Variants in DGKI observed in about 807,000 individuals in gnomAD.
The protein encoded by DGKI is diacylglycerol kinase iota.
DGKI carries 55 observed loss-of-function variants against 147.5 expected under a neutral mutation model. The observed-to-expected ratio is 0.37, with a 90% CI of 0.30 to 0.47. The LOEUF (loss-of-function observed/expected upper bound fraction) is 0.47. Among genes scored for constraint, DGKI ranks in the 20% least tolerant of loss-of-function variants. DGKI has a pLI of 1.00. For missense variants in DGKI, 1,007 were observed against 1,323.8 expected (o/e 0.76, Z 3.71); for synonymous variants, 469 against 477.1 (o/e 0.98, Z 0.22).
At position 137,382,720 on chromosome 7, in the gene DGKI, A is replaced by G. The variant is rs558080345; in HGVS notation, c.*8500T>C. 4 of 152,042 alleles carry G rather than the reference A, an allele frequency of 2.6e-5. No homozygotes were observed. The East Asian group carries it at 7.7e-4, about 29-fold the overall frequency. 9.4% of individuals were successfully genotyped at this position (152,042 alleles called of 1,614,324 possible). ...GAGAATCTTTTTTCCTTTCCTCACAACTCTGCCCCTCTTTTATGCCCCCAA... is the reference window on the plus strand; with the variant it reads ...GAGAATCTTTTTTCCTTTCCTCACAGCTCTGCCCCTCTTTTATGCCCCCAA... On this transcript the variant is annotated 3_prime_UTR_variant, in exon 33 of 33. Transcript: ENST00000614521.
intron 1 of DGKI, among the ~76,000 whole-genome samples, chr7:137,789,725 G>A (rs1016920460): frequency 6.6e-6 from 1 of 152,162 alleles, no homozygotes; most frequent in Non-Finnish European, 1.5e-5. Context: ...GAACGGAGAA[G>A]CGCAATTCTG....
chr7:137,448,323 A>G (rs1813794138), intron 27 of DGKI, among the ~76,000 whole-genome samples: 1 of 147,828 alleles, frequency 6.8e-6, no homozygotes, highest in South Asian at 2.1e-4. Flanking sequence ...AAAAAAACTC[A>G]CCCAATGCAA....
At chr7:137,403,344 C>T (rs1445192317) in intron 30 of DGKI, among the ~76,000 whole-genome samples, 1 of 152,170 alleles carries the variant, frequency 6.6e-6, no homozygotes, top group Non-Finnish European at 1.5e-5. Flanking sequence ...CCTCCCATGG[C>T]GCTTTCAGAA....
chr7:137,736,342 G>C (rs1460718736), intron 1 of DGKI, among the ~76,000 whole-genome samples: 1 of 152,098 alleles, frequency 6.6e-6, no homozygotes, highest in Admixed American at 6.6e-5. Context: ...TAAGGCTAAT[G>C]TAGGGGTTCT....
At chr7:137,462,508 A>T (rs141666524) in intron 27 of DGKI, among the ~76,000 whole-genome samples, 3 of 152,322 alleles carry the variant, frequency 2.0e-5, no homozygotes, top group African/African-American at 7.2e-5. Flanking sequence ...AACTTTGCCA[A>T]TGAAATAATT....
intron 1 of DGKI, among the ~76,000 whole-genome samples, chr7:137,746,904 C>G (rs1184731083): frequency 6.6e-6 from 1 of 152,056 alleles, no homozygotes; most frequent in Non-Finnish European, 1.5e-5. Flanking sequence ...GAAGTCCTCT[C>G]AAAACATCAG....
At chr7:137,650,206 C>A (rs977844153) in intron 5 of DGKI, among the ~76,000 whole-genome samples, 2 of 152,108 alleles carry the variant, frequency 1.3e-5, no homozygotes, top group African/African-American at 2.4e-5. Context: ...GAAATGAATA[C>A]CTTTGTAAAT....
chr7:137,799,889 G>T (rs565490554), intron 1 of DGKI, among the ~76,000 whole-genome samples: 119 of 152,278 alleles, frequency 7.8e-4, no homozygotes, highest in African/African-American at 2.5e-3. Context: ...TGAAGCTTTT[G>T]AAATCTTCTT....
chr7:137,571,072 T>C, intron 19 of DGKI, 103 bp downstream of exon 19: 1 of 783,060 alleles, frequency 1.3e-6, no homozygotes, highest in South Asian at 2.3e-5. Context: ...ATAAAATGTG[T>C]AACTTGATAA....
At chr7:137,414,598 T>C (rs1233034827) in intron 28 of DGKI, among the ~76,000 whole-genome samples, 6 of 150,928 alleles carry the variant, frequency 4.0e-5, no homozygotes, top group Non-Finnish European at 5.9e-5. Context: ...TAAATGTCCA[T>C]AGTGGAGTTT....
rs187360554 is a variant in DGKI, at chr7:137,690,974, G to A, written c.402-972C>T. Among the ~76,000 whole-genome samples the A allele has an allele frequency of 4.5e-3, 690 of 152,236 alleles. 3 individuals are homozygous for A. Among genetic ancestry groups the A allele is most frequent in the Non-Finnish European group, 7.3e-3 (494 of 68,000 alleles). On this transcript the variant is annotated intron_variant, in intron 1 of 32. Transcript: ENST00000614521. ...AAGGGTCTAGAGCTTAAACATGAGC[G>A]CTGATTTGTGATTGAACTAAGTCAC... is the stretch of plus-strand genomic sequence containing the variant.
chr7:137,810,952 T>C (rs1797546976), intron 1 of DGKI, among the ~76,000 whole-genome samples: 1 of 152,164 alleles, frequency 6.6e-6, no homozygotes, highest in African/African-American at 2.4e-5. Context: ...TGGCTCTATC[T>C]TATGTAGTAC....
chr7:137,790,954 G>A (rs114782795), intron 1 of DGKI, among the ~76,000 whole-genome samples: 3,483 of 152,260 alleles, frequency 0.023, 140 homozygotes, highest in African/African-American at 0.078. Context: ...CACCACTGGG[G>A]TCAGTGTTGC....
intron 1 of DGKI, among the ~76,000 whole-genome samples, chr7:137,807,831 C>T (rs918762749): frequency 3.3e-5 from 5 of 152,138 alleles, no homozygotes; most frequent in Non-Finnish European, 7.3e-5. Flanking sequence ...TAGGACCAAC[C>T]CAGAGTCAGC....
chr7:137,445,333 T>C (rs1383998005), intron 27 of DGKI, among the ~76,000 whole-genome samples: 1 of 152,132 alleles, frequency 6.6e-6, no homozygotes, highest in African/African-American at 2.4e-5. Flanking sequence ...GCAAATCTCT[T>C]AAAGTAGACT....
At chr7:137,491,544 A>G (rs1815763284) in intron 21 of DGKI, among the ~76,000 whole-genome samples, 2 of 152,218 alleles carry the variant, frequency 1.3e-5, no homozygotes, top group African/African-American at 4.8e-5. Flanking sequence ...TTAATCCCCA[A>G]AACTGTTAAA....
chr7:137,439,932 A>G (rs1813430430), intron 28 of DGKI, among the ~76,000 whole-genome samples: 1 of 152,196 alleles, frequency 6.6e-6, no homozygotes, highest in African/African-American at 2.4e-5. Flanking sequence ...AATGCCTTTT[A>G]TTTTGTAAAT....
chr7:137,742,811 C>T (rs1481554321), intron 1 of DGKI, among the ~76,000 whole-genome samples: 1 of 152,032 alleles, frequency 6.6e-6, no homozygotes, highest in Non-Finnish European at 1.5e-5. Flanking sequence ...AAATTTTATG[C>T]ATAATGGAAT....
At chr7:137,560,266 G>A (rs1728496) in intron 19 of DGKI, among the ~76,000 whole-genome samples, 16,666 of 152,116 alleles carry the variant, frequency 0.11, 2,065 homozygotes, top group African/African-American at 0.3. Context: ...AGAAATTACC[G>A]TATCTGAAAA....
Sources: allele counts gnomAD v4.1 joint callset (sites outside exome capture counted in the v4.1 genomes callset), GRCh38; gene constraint gnomAD v4.1.1; transcripts MANE v1.5; gene names NCBI Gene and HGNC (gene_info 2026-07-23, HGNC 2026-07-21).